Variants in RYR2 observed in about 807,000 individuals in gnomAD.
RYR2 encodes the protein cardiac muscle ryanodine receptor-calcium release channel.
RYR2 carries 227 observed loss-of-function variants against 601.1 expected under a neutral mutation model. The ratio of observed to expected loss-of-function variants is 0.38; its 90% CI spans 0.34 to 0.42. RYR2 has a LOEUF of 0.42. Ranked by LOEUF, RYR2 falls within the 10% of genes least tolerant of loss-of-function variation. RYR2 has a pLI of 1.00. For synonymous variants in RYR2, 2,223 were observed against 2,175.1 expected (o/e 1.02, Z -0.61); for missense variants, 4,646 against 6,156.5 (o/e 0.75, Z 8.21).
chr1:237,101,043 C>T (rs1668033908), intron 1 of RYR2, among the ~76,000 whole-genome samples: 2 of 152,126 alleles, frequency 1.3e-5, no homozygotes, highest in Non-Finnish European at 2.9e-5. Context: ...TCCCAAGCCG[C>T]ATGACGGTGC....
intron 1 of RYR2, among the ~76,000 whole-genome samples, chr1:237,184,624 G>A (rs1391574293): frequency 3.3e-5 from 5 of 152,072 alleles, no homozygotes; most frequent in Admixed American, 6.5e-5. Flanking sequence ...ATTAGATAAC[G>A]ATGGACTTTA....
At position 237,383,469 on chromosome 1, in the gene RYR2, G is replaced by T. The variant is rs562777048; in HGVS notation, c.577-3812G>T. On this transcript the variant is annotated intron_variant, in intron 8 of 104. Transcript: ENST00000366574. ...TTTTGAGACAGAGTCTTGCTCTGTC[G>T]CCTAGGCTGGAGTACAGGGGCACGA... 1.6e-3 allele frequency among the ~76,000 whole-genome samples: 174 copies of T among 108,826 alleles called. 3 individuals are homozygous for T. Among genetic ancestry groups the T allele is most frequent in the Non-Finnish European group, 2.2e-3 (129 of 58,860 alleles). The allele number at this position is 108,826 out of a possible 152,430, so 71.4% of individuals were successfully genotyped here. A position where few individuals can be genotyped will look rare whatever the true frequency, so the allele number is the denominator to read the frequency against.
intron 79 of RYR2, among the ~76,000 whole-genome samples, chr1:237,737,033 G>A (rs1444183616): frequency 6.6e-6 from 1 of 151,992 alleles, no homozygotes; most frequent in African/African-American, 2.4e-5. Flanking sequence ...GGTGTTCTCT[G>A]CAGCTGAAGA....
chr1:237,099,837 G>A (rs1572629600), intron 1 of RYR2, among the ~76,000 whole-genome samples: 4 of 64,152 alleles, frequency 6.2e-5, no homozygotes, highest in South Asian at 9.1e-4. Flanking sequence ...TTATGAGGTA[G>A]GCACTATTTT....
Position 237,329,466 on chromosome 1 carries a change from C to A in RYR2, c.169-1412C>A, listed in dbSNP as rs192049336. On this transcript the variant is annotated intron_variant, in intron 2 of 104. Transcript: ENST00000366574. ...GATCATCCTGGCTAACATGGTGAAA[C>A]CCCCATCTGTATTAAAAATACAAAA... Among the ~76,000 whole-genome samples, 707 of 151,934 alleles carry A rather than the reference C, an allele frequency of 4.7e-3. 2 individuals are homozygous for A. Among genetic ancestry groups the A allele is most frequent in the Admixed American group, 7.3e-3 (112 of 15,278 alleles).
chr1:237,333,672 C>A (rs2149581248), intron 3 of RYR2: 1 of 455,856 alleles, frequency 2.2e-6, no homozygotes, highest in Non-Finnish European at 4.4e-6. Context: ...CTTGTAGGAA[C>A]CAAGTCTTCT....
At chr1:237,393,479 T>C (rs80209038) in intron 10 of RYR2, among the ~76,000 whole-genome samples, 1,941 of 152,354 alleles carry the variant, frequency 0.013, 54 homozygotes, top group African/African-American at 0.045. Context: ...TTTATATCTG[T>C]GTACACAACT....
intron 92 of RYR2, among the ~76,000 whole-genome samples, 171 bp downstream of exon 92, chr1:237,788,306 C>G (rs1045525374): frequency 4.6e-5 from 7 of 152,156 alleles, no homozygotes; most frequent in Non-Finnish European, 1.0e-4. Flanking sequence ...GTGAATGTCT[C>G]TGGCCCACCG....
chr1:237,670,487 A>G (rs1684836419), intron 58 of RYR2, among the ~76,000 whole-genome samples: 1 of 152,220 alleles, frequency 6.6e-6, no homozygotes, highest in South Asian at 2.1e-4. Flanking sequence ...TCATGGATGC[A>G]TGGATGAATG....
At chr1:237,305,424 C>A (rs1401548035) in intron 2 of RYR2, among the ~76,000 whole-genome samples, 1 of 152,110 alleles carries the variant, frequency 6.6e-6, no homozygotes, top group Non-Finnish European at 1.5e-5. Flanking sequence ...ATATAAAGGG[C>A]AGAACTCAGC....
At chr1:237,655,542 C>T (rs1288864741) in intron 52 of RYR2, among the ~76,000 whole-genome samples, 1 of 152,172 alleles carries the variant, frequency 6.6e-6, no homozygotes, top group Non-Finnish European at 1.5e-5. Context: ...ATATTTTACA[C>T]ATTGACAATA....
intron 26 of RYR2, among the ~76,000 whole-genome samples, chr1:237,549,523 T>C (rs1010420247): frequency 6.6e-6 from 1 of 151,624 alleles, no homozygotes; most frequent in Admixed American, 6.6e-5. Context: ...GCAGTGAGAC[T>C]CTGTTTCAAA....
At position 237,398,674 on chromosome 1, in the gene RYR2, A is replaced by C. The variant is rs189168071; in HGVS notation, c.773+10491A>C. Among the ~76,000 whole-genome samples, 9 of 152,326 alleles carry C rather than the reference A, an allele frequency of 5.9e-5. No individual in the cohort carries two copies. The East Asian group carries it at 1.2e-3, about 20-fold the overall frequency. On this transcript the variant is annotated intron_variant, in intron 10 of 104. Transcript: ENST00000366574. ...AAATGGTACAGCCACTCTGGAAAAC[A>C]TTTTGGCAGTTTCTTAAAAAACTGA...
At chr1:237,676,704 CT>C (rs1685431385) in intron 60 of RYR2, among the ~76,000 whole-genome samples, 1 of 152,170 alleles carries the variant, frequency 6.6e-6, no homozygotes, top group East Asian at 1.9e-4. Context: ...CAGCATATCT[CT>C]AATGTAGCCA....
At chr1:237,410,998 T>C (rs1704400065) in intron 10 of RYR2, among the ~76,000 whole-genome samples, 1 of 152,182 alleles carries the variant, frequency 6.6e-6, no homozygotes, top group Admixed American at 6.5e-5. Context: ...AATCCTGTCA[T>C]TTGCAACAAC....
intron 1 of RYR2, among the ~76,000 whole-genome samples, chr1:237,071,322 C>T (rs1664288273): frequency 6.6e-6 from 1 of 151,924 alleles, no homozygotes; most frequent in Admixed American, 6.6e-5. Context: ...CTCCTGGATT[C>T]AAGCGATTCT....
At chr1:237,368,509 C>T (rs1700378420) in intron 5 of RYR2, among the ~76,000 whole-genome samples, 1 of 152,080 alleles carries the variant, frequency 6.6e-6, no homozygotes. Flanking sequence ...AAATGTCTCT[C>T]TGTGCTTCTC....
At chr1:237,656,652 G>A (rs1269402752) in intron 53 of RYR2, among the ~76,000 whole-genome samples, 2 of 152,108 alleles carry the variant, frequency 1.3e-5, no homozygotes, top group Admixed American at 6.6e-5. Flanking sequence ...TGATTCTATG[G>A]TGACTCAGCA....
At chr1:237,582,614 C>A (rs1218806336) in intron 29 of RYR2, among the ~76,000 whole-genome samples, 2 of 152,068 alleles carry the variant, frequency 1.3e-5, no homozygotes, top group East Asian at 3.9e-4. Flanking sequence ...TTTTTGCCAT[C>A]CATCTTTATG....
Sources: gnomAD v4.1 joint callset for allele counts (sites outside exome capture counted in the v4.1 genomes callset) on GRCh38, gnomAD v4.1.1 for gene constraint, MANE v1.5 for transcripts, NCBI Gene and HGNC (gene_info 2026-07-23, HGNC 2026-07-21) for gene names.